Variants in SPMIP3 observed in about 807,000 individuals in gnomAD.
SPMIP3 encodes the protein sperm microtubule inner protein 3.
the SPMIP3 span, among the ~76,000 whole-genome samples, chr1:244,388,326 G>T: frequency 6.6e-6 from 1 of 152,072 alleles, no homozygotes; most frequent in African/African-American, 2.4e-5. Flanking sequence ...TATTCCTTAG[G>T]TCAGTTGTGA....
the SPMIP3 span, among the ~76,000 whole-genome samples, chr1:244,376,108 G>A: frequency 2.0e-5 from 3 of 152,026 alleles, no homozygotes; most frequent in Non-Finnish European, 2.9e-5. Flanking sequence ...GAGGTGGGTG[G>A]GTATTCTCAA....
At chr1:244,371,513 C>A in the SPMIP3 span, among the ~76,000 whole-genome samples, 1 of 152,258 alleles carries the variant, frequency 6.6e-6, no homozygotes, top group Non-Finnish European at 1.5e-5. Flanking sequence ...CCTCCCAAAA[C>A]CTGCCAAGAG....
At chr1:244,378,685 T>G in the SPMIP3 span, 3 of 1,563,158 alleles carry the variant, frequency 1.9e-6, no homozygotes, top group East Asian at 6.7e-5. Context: ...TAACCTTGCC[T>G]GGGCCACAGA....
chr1:244,369,328 G>A, the SPMIP3 span, among the ~76,000 whole-genome samples: 7 of 152,156 alleles, frequency 4.6e-5, no homozygotes, highest in Admixed American at 1.3e-4. Flanking sequence ...GTAGAAGATC[G>A]AAGATACAGA....
At chr1:244,376,868 T>G in the SPMIP3 span, among the ~76,000 whole-genome samples, 1 of 152,090 alleles carries the variant, frequency 6.6e-6, no homozygotes. Context: ...TGAAGCGCAG[T>G]GGCGTGATCT....
chr1:244,361,829 G>A, the SPMIP3 span, among the ~76,000 whole-genome samples: 1 of 152,158 alleles, frequency 6.6e-6, no homozygotes, highest in Admixed American at 6.5e-5. Flanking sequence ...AGGGATAGTG[G>A]GGGCTGTCTT....
the SPMIP3 span, among the ~76,000 whole-genome samples, chr1:244,361,747 C>T: frequency 3.3e-5 from 5 of 152,094 alleles, no homozygotes; most frequent in Non-Finnish European, 7.3e-5. Flanking sequence ...AGCATGGCAA[C>T]CCATGACCGA....
At chr1:244,358,618 T>C in the SPMIP3 span, among the ~76,000 whole-genome samples, 3 of 151,258 alleles carry the variant, frequency 2.0e-5, no homozygotes, top group Non-Finnish European at 4.4e-5. Flanking sequence ...TGTGTATGTG[T>C]GTGTGTGTAT....
chr1:244,362,656 A>G, the SPMIP3 span, among the ~76,000 whole-genome samples: 3 of 151,996 alleles, frequency 2.0e-5, no homozygotes, highest in Admixed American at 6.6e-5. Context: ...CGCAGGTCAC[A>G]TGGGTCTCAG....
At chr1:244,375,304 T>C in the SPMIP3 span, 1 of 1,268,220 alleles carries the variant, frequency 7.9e-7, no homozygotes, top group Admixed American at 1.8e-5. Flanking sequence ...ATGCCGCAGC[T>C]GGCATTCTTC....
chr1:244,356,692 G>A, the SPMIP3 span, among the ~76,000 whole-genome samples: 2 of 152,132 alleles, frequency 1.3e-5, no homozygotes, highest in African/African-American at 2.4e-5. Flanking sequence ...TCTTAGGAAT[G>A]TACCTTAAGA....
the SPMIP3 span, among the ~76,000 whole-genome samples, chr1:244,384,001 A>G: frequency 6.6e-6 from 1 of 152,224 alleles, no homozygotes; most frequent in African/African-American, 2.4e-5. Flanking sequence ...TGGATGTACC[A>G]AAATCTCACA....
At chr1:244,369,126 C>T in the SPMIP3 span, among the ~76,000 whole-genome samples, 2 of 152,070 alleles carry the variant, frequency 1.3e-5, no homozygotes, top group Non-Finnish European at 1.5e-5. Flanking sequence ...CACCACTGCA[C>T]TCCAGCCTGG....
chr1:244,379,114 G>A, the SPMIP3 span, among the ~76,000 whole-genome samples: 3 of 151,728 alleles, frequency 2.0e-5, no homozygotes, highest in African/African-American at 7.3e-5. Flanking sequence ...ATTTTTAGTA[G>A]AGACGGGGTT....
chr1:244,378,435 C>T, the SPMIP3 span: 7 of 1,578,270 alleles, frequency 4.4e-6, no homozygotes, highest in Admixed American at 3.7e-5. Flanking sequence ...TTTCTACTGG[C>T]TTTTCAGCAA....
chr1:244,387,713 G>A, the SPMIP3 span, among the ~76,000 whole-genome samples: 1 of 152,186 alleles, frequency 6.6e-6, no homozygotes, highest in Non-Finnish European at 1.5e-5. Flanking sequence ...TACAGCAGGA[G>A]TGTAAGGAAG....
At chr1:244,370,640 C>G in the SPMIP3 span, among the ~76,000 whole-genome samples, 499 of 152,256 alleles carry the variant, frequency 3.3e-3, 8 homozygotes, top group African/African-American at 0.011. Flanking sequence ...GTCTTTATGG[C>G]TTTTCCTATT....
the SPMIP3 span, among the ~76,000 whole-genome samples, chr1:244,388,598 G>GA: frequency 6.6e-6 from 1 of 151,982 alleles, no homozygotes; most frequent in Admixed American, 6.6e-5. Flanking sequence ...TGAAAAAAGA[G>GA]AAAAAAATAA....
the SPMIP3 span, among the ~76,000 whole-genome samples, chr1:244,356,881 T>C: frequency 5.3e-3 from 809 of 151,466 alleles, 11 homozygotes; most frequent in African/African-American, 0.018. Flanking sequence ...GTAGACAAAA[T>C]AGACAACCCT....
Sources: gnomAD v4.1 joint callset for allele counts (sites outside exome capture counted in the v4.1 genomes callset) on GRCh38, gnomAD v4.1.1 for gene constraint, MANE v1.5 for transcripts, NCBI Gene and HGNC (gene_info 2026-07-23, HGNC 2026-07-21) for gene names.